The following SMG7 variants were observed in gnomAD, a reference collection of about 807,000 sequenced individuals.
The protein encoded by SMG7 is SMG7 nonsense mediated mRNA decay factor.
Under a neutral mutation model 148.2 loss-of-function variants are expected in SMG7, and 34 were observed. That is an observed-to-expected ratio of 0.23 (90% CI 0.17 to 0.31). The LOEUF (loss-of-function observed/expected upper bound fraction) is 0.31, where lower values mean the gene tolerates loss of function less well. Ranked by LOEUF, SMG7 falls within the 10% of genes least tolerant of loss-of-function variation. The pLI is 1.00. For missense variants in SMG7, 1,114 were observed against 1,408.4 expected (o/e 0.79, Z 3.35); for synonymous variants, 492 against 515.1 (o/e 0.96, Z 0.61).
chr1:183,514,780 G>T (rs142427682), intron 2 of SMG7, among the ~76,000 whole-genome samples: 1,601 of 152,290 alleles, frequency 0.011, 10 homozygotes, highest in Non-Finnish European at 0.017. Flanking sequence ...AAATCTATTA[G>T]TTAGTGATTA....
chr1:183,531,207 T>C (rs1481624737), intron 8 of SMG7, among the ~76,000 whole-genome samples: 1 of 152,150 alleles, frequency 6.6e-6, no homozygotes, highest in Non-Finnish European at 1.5e-5. Flanking sequence ...CATCAACATG[T>C]ATACTTCAGT....
chr1:183,477,418 GTA>G (rs1191560378), intron 1 of SMG7, among the ~76,000 whole-genome samples: 15 of 151,530 alleles, frequency 9.9e-5, no homozygotes, highest in Non-Finnish European at 1.5e-4. Flanking sequence ...GTGTGTGTGT[GTA>G]TGTGTGCATA....
chr1:183,541,165 C>T (rs1668760088), intron 13 of SMG7, 62 bp downstream of exon 13: 3 of 1,458,806 alleles, frequency 2.1e-6, no homozygotes, highest in Admixed American at 1.8e-5. Flanking sequence ...CACATGCGCG[C>T]ACACGCGCGC....
Position 183,526,781 on chromosome 1 carries a change from G to A in SMG7, c.484+14G>A. 6.3e-7 allele frequency: 1 copy of A among 1,593,062 alleles called. No homozygotes were observed. The highest frequency in any genetic ancestry group is 8.5e-7 in the Non-Finnish European group (1 of 1,170,852). Reference sequence around the variant, plus strand: ...TTGGAGACATTGGTGAGCCTTTGCTGTGAAGGAATTGATAATATGTTCCTC... The same window carrying A: ...TTGGAGACATTGGTGAGCCTTTGCTATGAAGGAATTGATAATATGTTCCTC... On this transcript the variant is annotated intron_variant, in intron 5 of 22. Coordinates refer to ENST00000688051, the MANE Select transcript of SMG7 (RefSeq NM_001375584.1).
intron 1 of SMG7, among the ~76,000 whole-genome samples, chr1:183,492,848 C>G (rs776174589): frequency 2.6e-5 from 4 of 152,148 alleles, no homozygotes; most frequent in Non-Finnish European, 5.9e-5. Flanking sequence ...ATAAATACCT[C>G]TCTAAGCACT....
intron 22 of SMG7, 150 bp downstream of exon 22, chr1:183,551,340 T>C (rs1180645938): frequency 1.4e-6 from 1 of 699,960 alleles, no homozygotes; most frequent in African/African-American, 1.9e-5. Context: ...TGGTCTGCCT[T>C]ACAAGATTCT....
At chr1:183,545,399 T>C in intron 16 of SMG7, 87 bp downstream of exon 16, 1 of 1,421,198 alleles carries the variant, frequency 7.0e-7, no homozygotes, top group South Asian at 1.3e-5. Flanking sequence ...CATTAAACTT[T>C]GACATACTTC....
At chr1:183,482,446 A>T (rs1654395789) in intron 1 of SMG7, among the ~76,000 whole-genome samples, 1 of 152,112 alleles carries the variant, frequency 6.6e-6, no homozygotes, top group African/African-American at 2.4e-5. Context: ...AGGTAAAAAA[A>T]AAAAATAGCT....
In SMG7 at chr1:183,542,139, A is replaced by G; in HGVS notation, c.1479A>G (p.Ile493Met). The change falls in exon 14 of 23, where the codon ATA (isoleucine) becomes ATG (methionine). Residue 493 changes from isoleucine (I) to methionine (M), a missense_variant. Ile to Met is a conservative substitution (Grantham distance 10). Coordinates refer to ENST00000688051, the MANE Select transcript of SMG7 (RefSeq NM_001375584.1). Reference sequence around the variant, plus strand: ...TTATCACAGAAATCCCAGAATTAATACTGGAAGACCCCAGTGAAGCCAAAG... The same window carrying G: ...TTATCACAGAAATCCCAGAATTAATGCTGGAAGACCCCAGTGAAGCCAAAG... Reference protein sequence around the residue: ...LLFITEIPELILEDPSEAKEN... With the variant: ...LLFITEIPELMLEDPSEAKEN... 1 of 1,614,070 alleles carries G rather than the reference A, an allele frequency of 6.2e-7. No individual in the cohort carries two copies. The highest frequency in any genetic ancestry group is 2.2e-5 in the East Asian group (1 of 44,870).
At chr1:183,538,091 T>A (rs1420014477) in intron 11 of SMG7, among the ~76,000 whole-genome samples, 2 of 152,186 alleles carry the variant, frequency 1.3e-5, no homozygotes. Flanking sequence ...AACATTGGGC[T>A]TACTGGATCC....
intron 1 of SMG7, among the ~76,000 whole-genome samples, chr1:183,476,326 A>G (rs562373124): frequency 1.4e-4 from 22 of 152,328 alleles, no homozygotes; most frequent in Middle Eastern, 3.4e-3. Flanking sequence ...GAAGATCATG[A>G]CTGGGCAATT....
In SMG7 at chr1:183,517,773, G is replaced by T; in HGVS notation, c.265G>T (p.Ala89Ser). The T allele has an allele frequency of 1.9e-6, 3 of 1,614,104 alleles. No homozygotes were observed. Among genetic ancestry groups the T allele is most frequent in the Non-Finnish European group, 2.5e-6 (3 of 1,179,986 alleles). Residue 89 changes from alanine (A) to serine (S), a missense_variant, in exon 4 of 23, where the codon GCA (alanine) becomes TCA (serine). Transcript: ENST00000688051. ...RANPNRSEVQ[A>S]NLSLFLEAAS... is the part of the protein sequence containing the mutation. ...AAATCCGAATCGGAGTGAAGTTCAG[G>T]CAAACCTTTCTCTGTTCCTAGAGGC...
At chr1:183,517,558 A>G in intron 3 of SMG7, 130 bp from the exon 4 acceptor site, 3 of 872,954 alleles carry the variant, frequency 3.4e-6, no homozygotes, top group Non-Finnish European at 3.8e-6. Context: ...AAATAAATGA[A>G]TAACTTTAAT....
At chr1:183,512,125 T>C (rs1662284024) in intron 1 of SMG7, among the ~76,000 whole-genome samples, 2 of 152,146 alleles carry the variant, frequency 1.3e-5, no homozygotes, top group South Asian at 4.1e-4. Context: ...TGTGAGATAC[T>C]TGGACATGTT....
In SMG7 at chr1:183,472,635, C is replaced by A; in HGVS notation, c.15C>A (p.Ser5Arg). The change falls in exon 1 of 23, where the codon AGC (serine) becomes AGA (arginine). Residue 5 changes from serine (S) to arginine (R), a missense_variant. By Grantham distance (110) the Ser-to-Arg change is moderately radical (BLOSUM62 -1). Transcript: ENST00000688051. MSLQ[S>R]AQYLRQAEVL... ...GGCGGCGGAGGATGAGCCTGCAGAG[C>A]GCGCAGTACCTCCGGTGAGTGCCGA... 6.8e-7 allele frequency: 1 copy of A among 1,463,812 alleles called. No homozygotes were observed. Among genetic ancestry groups the A allele is most frequent in the Non-Finnish European group, 9.1e-7 (1 of 1,097,466 alleles). The allele number at this position is 1,463,812 out of a possible 1,614,324, so 90.7% of individuals were successfully genotyped here.
intron 14 of SMG7, among the ~76,000 whole-genome samples, chr1:183,542,827 G>T (rs1446702265): frequency 1.3e-5 from 2 of 151,688 alleles, no homozygotes; most frequent in Non-Finnish European, 2.9e-5. Flanking sequence ...ATTTGTCAAT[G>T]CTATAGTGGA....
At chr1:183,487,052 A>G (rs1424181196) in intron 1 of SMG7, among the ~76,000 whole-genome samples, 1 of 152,208 alleles carries the variant, frequency 6.6e-6, no homozygotes. Flanking sequence ...CTGGAGATGT[A>G]GGACCAGTAG....
intron 11 of SMG7, among the ~76,000 whole-genome samples, chr1:183,537,700 G>C (rs1156576748): frequency 6.6e-6 from 1 of 152,130 alleles, no homozygotes; most frequent in African/African-American, 2.4e-5. Flanking sequence ...GCCTGATTTT[G>C]AAATTTAGTA....
chr1:183,520,547 A>C (rs2102511332), intron 4 of SMG7, among the ~76,000 whole-genome samples: 1 of 152,250 alleles, frequency 6.6e-6, no homozygotes, highest in South Asian at 2.1e-4. Context: ...TAGAAGCTAG[A>C]ACTGGGAACA....
Sources: gnomAD v4.1 joint callset for allele counts (sites outside exome capture counted in the v4.1 genomes callset) on GRCh38, gnomAD v4.1.1 for gene constraint, MANE v1.5 for transcripts, NCBI Gene and HGNC (gene_info 2026-07-23, HGNC 2026-07-21) for gene names.